The following KIF3B variants were observed in gnomAD, a reference collection of about 807,000 sequenced individuals.
The protein encoded by KIF3B is kinesin family member 3B.
A neutral mutation model predicts 74.3 loss-of-function variants in KIF3B; 38 were observed. The ratio of observed to expected loss-of-function variants is 0.51; its 90% CI spans 0.39 to 0.67. The LOEUF (loss-of-function observed/expected upper bound fraction) is 0.67. Among genes scored for constraint, KIF3B ranks in the 30% least tolerant of loss-of-function variants. The probability of loss-of-function intolerance (pLI) is 0.00; values close to 1 mark genes in which losing one functional copy is unlikely to be tolerated. For missense variants in KIF3B, 649 were observed against 932.0 expected (o/e 0.70, Z 3.95); for synonymous variants, 326 against 342.5 (o/e 0.95, Z 0.53).
At chr20:32,282,861 C>A (rs2047650455) in intron 1 of KIF3B, among the ~76,000 whole-genome samples, 1 of 152,192 alleles carries the variant, frequency 6.6e-6, no homozygotes, top group South Asian at 2.1e-4. Flanking sequence ...TTGTACTCTA[C>A]CAGAATTCCT....
chr20:32,305,781 A>T (rs2122685165), intron 1 of KIF3B, among the ~76,000 whole-genome samples: 1 of 149,850 alleles, frequency 6.7e-6, no homozygotes, highest in South Asian at 2.1e-4. Flanking sequence ...ATGGTGTTTC[A>T]CCATGTTGGC....
chr20:32,284,395 T>G (rs2047658133), intron 1 of KIF3B, among the ~76,000 whole-genome samples: 1 of 152,228 alleles, frequency 6.6e-6, no homozygotes, highest in African/African-American at 2.4e-5. Flanking sequence ...TTTTTGTCAG[T>G]AATATTGAGC....
intron 7 of KIF3B, 75 bp from the exon 8 acceptor site, chr20:32,330,065 GA>G: frequency 7.5e-7 from 1 of 1,330,458 alleles, no homozygotes; most frequent in Non-Finnish European, 1.0e-6. Context: ...TCTATTCTTG[GA>G]GGGGCCCTCG....
chr20:32,304,924 T>A (rs2047762224), intron 1 of KIF3B, among the ~76,000 whole-genome samples: 1 of 151,236 alleles, frequency 6.6e-6, no homozygotes, highest in Admixed American at 6.6e-5. Context: ...GTGGATCACC[T>A]GAGGTCAGGA....
chr20:32,321,152 G>A (rs1444718574), intron 5 of KIF3B, among the ~76,000 whole-genome samples: 3 of 152,058 alleles, frequency 2.0e-5, no homozygotes, highest in Non-Finnish European at 2.9e-5. Flanking sequence ...AGTCAGGGCC[G>A]GGCGCTGTGG....
At chr20:32,317,017 C>T (rs2047831201) in intron 5 of KIF3B, 143 bp downstream of exon 5, 2 of 660,678 alleles carry the variant, frequency 3.0e-6, no homozygotes, top group Non-Finnish European at 5.5e-6. Context: ...GGGCAGATCA[C>T]CTGATGTCAG....
intron 5 of KIF3B, among the ~76,000 whole-genome samples, chr20:32,317,218 C>T (rs574441169): frequency 3.2e-4 from 49 of 152,168 alleles, no homozygotes; most frequent in African/African-American, 1.1e-3. Context: ...GCCTGGGCGA[C>T]GGAGTGAGAA....
chr20:32,312,379 A>G (rs2047805616), intron 2 of KIF3B, among the ~76,000 whole-genome samples: 1 of 152,108 alleles, frequency 6.6e-6, no homozygotes, highest in Non-Finnish European at 1.5e-5. Flanking sequence ...TGCTGGGATT[A>G]CAGGCGTGAG....
Position 32,277,717 on chromosome 20 carries a change from C to G in KIF3B, c.-114C>G, listed in dbSNP as rs1223857231. On this transcript the variant is annotated 5_prime_UTR_variant, in exon 1 of 9. Coordinates refer to ENST00000375712, the MANE Select transcript of KIF3B (RefSeq NM_004798.4). ...AGGGGTTCGCCGCCCCCGCCGCCGC[C>G]GCCGCCGCCGCCGCCGCCGCCGCCG... 3 of 264,320 alleles carry G rather than the reference C, an allele frequency of 1.1e-5. No homozygotes were observed. The East Asian group carries it at 2.5e-4, about 22-fold the overall frequency. 16.4% of individuals were successfully genotyped at this position (264,320 alleles called of 1,614,324 possible).
In KIF3B at chr20:32,334,485, G is replaced by C. The variant is rs2047946092; in HGVS notation, c.*3166G>C. On this transcript the variant is annotated 3_prime_UTR_variant, in exon 9 of 9. Coordinates refer to ENST00000375712, the MANE Select transcript of KIF3B (RefSeq NM_004798.4). ...TGTAGAATCGTTGCCAAGTTTCTGA[G>C]AAGTGTCGATTCCCTGTTAACATGG... The C allele has an allele frequency of 6.6e-6, 1 of 152,606 alleles. No homozygotes were observed. The highest frequency in any genetic ancestry group is 6.6e-5 in the Admixed American group (1 of 15,260). The allele number at this position is 152,606 out of a possible 1,614,324, so 9.5% of individuals were successfully genotyped here.
intron 1 of KIF3B, among the ~76,000 whole-genome samples, chr20:32,297,016 A>G (rs1212619010): frequency 5.9e-5 from 9 of 152,104 alleles, no homozygotes; most frequent in African/African-American, 2.2e-4. Flanking sequence ...GATGAGGTGG[A>G]TACAGAGTAA....
At chr20:32,281,121 A>G (rs970885639) in intron 1 of KIF3B, among the ~76,000 whole-genome samples, 5 of 152,198 alleles carry the variant, frequency 3.3e-5, no homozygotes, top group African/African-American at 1.2e-4. Context: ...TGACAATAAC[A>G]ATAAGGTGCC....
intron 5 of KIF3B, among the ~76,000 whole-genome samples, chr20:32,318,170 C>T (rs575534821): frequency 4.6e-5 from 7 of 151,966 alleles, no homozygotes; most frequent in Admixed American, 2.0e-4. Context: ...GGTGTGATGG[C>T]GTGTACCTGT....
intron 5 of KIF3B, among the ~76,000 whole-genome samples, chr20:32,318,011 G>A (rs956071905): frequency 3.3e-5 from 5 of 152,192 alleles, no homozygotes; most frequent in Admixed American, 6.6e-5. Flanking sequence ...TATTTAAAGT[G>A]TACAAATCAG....
At chr20:32,306,240 A>T (rs1445154246) in intron 1 of KIF3B, among the ~76,000 whole-genome samples, 2 of 149,310 alleles carry the variant, frequency 1.3e-5, no homozygotes, top group Admixed American at 6.7e-5. Flanking sequence ...TAAATATACG[A>T]AAAAGATTAG....
At chr20:32,323,771 G>A (rs780862386) in intron 5 of KIF3B, among the ~76,000 whole-genome samples, 1 of 151,922 alleles carries the variant, frequency 6.6e-6, no homozygotes, top group Non-Finnish European at 1.5e-5. Context: ...TCAACTACTC[G>A]GGAGGCTGAG....
chr20:32,327,615 A>G lies in KIF3B; in HGVS notation c.1922A>G (p.Gln641Arg), dbSNP rs1306163558. The G allele has an allele frequency of 6.8e-6, 11 of 1,613,574 alleles. No homozygotes were observed. Among genetic ancestry groups the G allele is most frequent in the Non-Finnish European group, 9.3e-6 (11 of 1,179,754 alleles). ...SAVGYKRPLSQHARMSMMIRP... is the reference protein window; with the variant it reads ...SAVGYKRPLSRHARMSMMIRP... ...GTGGGATATAAGAGACCATTGAGCC[A>G]GCACGCAAGAATGTCCATGATGATT... The change falls in exon 7 of 9, where the codon CAG (glutamine) becomes CGG (arginine). Residue 641 changes from glutamine (Q) to arginine (R), a missense_variant. Physicochemically the swap from Gln to Arg is conservative, Grantham distance 43 (BLOSUM62 1). Around this residue, in one of 4 missense-constraint regions of KIF3B, gnomAD observed 186 missense variants for 198.5 expected, o/e 0.94. Transcript: ENST00000375712.
At chr20:32,300,658 C>T (rs1250527879) in intron 1 of KIF3B, among the ~76,000 whole-genome samples, 2 of 152,162 alleles carry the variant, frequency 1.3e-5, no homozygotes, top group African/African-American at 2.4e-5. Context: ...AAAGAATCCT[C>T]CCACCTCGGC....
intron 1 of KIF3B, among the ~76,000 whole-genome samples, chr20:32,294,173 A>G (rs1165253533): frequency 2.6e-5 from 4 of 152,138 alleles, no homozygotes; most frequent in African/African-American, 7.2e-5. Context: ...ATATTTTTGA[A>G]TGTATTTTAT....
Sources: gnomAD v4.1 joint callset for allele counts (sites outside exome capture counted in the v4.1 genomes callset) on GRCh38, gnomAD v4.1.1 for gene constraint, gnomAD v4.1.1 regional missense constraint, MANE v1.5 for transcripts, NCBI Gene and HGNC (gene_info 2026-07-23, HGNC 2026-07-21) for gene names.